Variants in WDFY4 observed in about 807,000 individuals in gnomAD.
WDFY4 encodes WDFY family member 4.
A neutral mutation model predicts 351.9 loss-of-function variants in WDFY4; 169 were observed. That is an observed-to-expected ratio of 0.48 (90% CI 0.42 to 0.55). The LOEUF is 0.55. Among genes scored for constraint, WDFY4 ranks in the 20% least tolerant of loss-of-function variants. WDFY4 has a pLI of 0.00. For missense variants in WDFY4, 3,803 were observed against 3,935.6 expected (o/e 0.97, Z 0.90); for synonymous variants, 1,622 against 1,574.6 (o/e 1.03, Z -0.71).
intron 1 of WDFY4, among the ~76,000 whole-genome samples, chr10:48,700,136 C>T (rs1175982771): frequency 1.3e-5 from 2 of 152,238 alleles, no homozygotes; most frequent in South Asian, 2.1e-4. Context: ...CCCAGCACCA[C>T]CCCAAGGCTG....
intron 43 of WDFY4, among the ~76,000 whole-genome samples, chr10:48,886,972 G>A (rs1348763802): frequency 6.6e-6 from 1 of 152,216 alleles, no homozygotes; most frequent in East Asian, 1.9e-4. Flanking sequence ...CCCTCCTAGG[G>A]CTAATTTAAA....
chr10:48,799,760 C>A (rs763188204), intron 24 of WDFY4, among the ~76,000 whole-genome samples: 1 of 152,116 alleles, frequency 6.6e-6, no homozygotes, highest in Non-Finnish European at 1.5e-5. Flanking sequence ...GCGACAAGAG[C>A]GAGACTTCGT....
intron 24 of WDFY4, among the ~76,000 whole-genome samples, chr10:48,800,190 G>A (rs746892911): frequency 2.6e-5 from 4 of 152,138 alleles, no homozygotes; most frequent in East Asian, 1.9e-4. Context: ...AGCCGGTTTC[G>A]TGTTTTAAGA....
intron 14 of WDFY4, among the ~76,000 whole-genome samples, chr10:48,774,962 G>T (rs1470409993): frequency 1.3e-5 from 2 of 151,924 alleles, no homozygotes; most frequent in Non-Finnish European, 2.9e-5. Flanking sequence ...ACAAAGAGAG[G>T]AGGGAACTGG....
chr10:48,935,357 A>T (rs1008304280), intron 47 of WDFY4: 2 of 152,262 alleles, frequency 1.3e-5, no homozygotes, highest in Non-Finnish European at 2.9e-5. Context: ...TGCCACGAGG[A>T]GGGAACCCCA....
intron 51 of WDFY4, among the ~76,000 whole-genome samples, chr10:48,955,574 T>C (rs926973823): frequency 9.2e-5 from 14 of 152,086 alleles, no homozygotes; most frequent in Admixed American, 4.6e-4. Flanking sequence ...CATCCATGGG[T>C]TTGCCCCAGT....
At chr10:48,932,661 G>GA in intron 47 of WDFY4, 1 of 151,336 alleles carries the variant, frequency 6.6e-6, no homozygotes, top group Middle Eastern at 3.2e-3. Context: ...AAAAAAAGAG[G>GA]GAGAGAGAGA....
chr10:48,869,063 A>G (rs2069659861), intron 40 of WDFY4, among the ~76,000 whole-genome samples: 1 of 152,244 alleles, frequency 6.6e-6, no homozygotes, highest in Admixed American at 6.5e-5. Context: ...CCACAAGGAT[A>G]CTTTCCAAGT....
intron 39 of WDFY4, among the ~76,000 whole-genome samples, chr10:48,857,165 G>A (rs1016198675): frequency 4.6e-5 from 7 of 152,042 alleles, no homozygotes; most frequent in African/African-American, 1.7e-4. Context: ...TAACAGTTAT[G>A]CACATGCTTT....
intron 13 of WDFY4, among the ~76,000 whole-genome samples, chr10:48,770,698 G>A (rs562188912): frequency 1.3e-5 from 2 of 152,344 alleles, no homozygotes; most frequent in East Asian, 3.9e-4. Flanking sequence ...ATTTCCATGG[G>A]GAAGAGTGAA....
chr10:48,853,737 C>T (rs907961719), intron 39 of WDFY4, among the ~76,000 whole-genome samples: 3 of 152,248 alleles, frequency 2.0e-5, no homozygotes, highest in Non-Finnish European at 2.9e-5. Context: ...ACCTTCTGAA[C>T]ACTGGGTCAT....
chr10:48,743,264 G>T lies in WDFY4; in HGVS notation c.2175G>T (p.Glu725Asp). 1 of 1,551,716 alleles carries T rather than the reference G, an allele frequency of 6.4e-7. No individual in the cohort carries two copies. The highest frequency in any genetic ancestry group is 8.7e-7 in the Non-Finnish European group (1 of 1,147,000). ...TGCTGGGCTGTTTTGGAGCCCTGGA[G>T]GAAGAGGGCAACCTGCTGCGCTCTT... is the stretch of plus-strand genomic sequence containing the variant. ...LCLLGCFGAL[E>D]EEGNLLRSWV... Residue 725 changes from glutamate to aspartate, a missense_variant, in exon 12 of 62, where the codon GAG (glutamate) becomes GAT (aspartate). Transcript: ENST00000325239.
At chr10:48,895,156 C>T (rs1837011823) in intron 44 of WDFY4, among the ~76,000 whole-genome samples, 1 of 152,212 alleles carries the variant, frequency 6.6e-6, no homozygotes, top group African/African-American at 2.4e-5. Context: ...CTCACTTGGG[C>T]AGGCTTCCCT....
At chr10:48,696,346 C>T (rs1476287347) in intron 1 of WDFY4, among the ~76,000 whole-genome samples, 3 of 152,224 alleles carry the variant, frequency 2.0e-5, no homozygotes, top group African/African-American at 4.8e-5. Flanking sequence ...ACTCCTTGCT[C>T]TCCCACCTGC....
intron 42 of WDFY4, 58 bp from the exon 43 acceptor site, chr10:48,876,975 G>C: frequency 1.4e-6 from 2 of 1,431,288 alleles, no homozygotes; most frequent in Non-Finnish European, 1.8e-6. Context: ...CTGTGCACCG[G>C]CCCTTACCAT....
chr10:48,769,135 C>T (rs552949017), intron 13 of WDFY4, among the ~76,000 whole-genome samples: 1 of 152,196 alleles, frequency 6.6e-6, no homozygotes, highest in Non-Finnish European at 1.5e-5. Context: ...ACCCACCCAT[C>T]CCCATGGTTA....
chr10:48,816,351 G>A (rs538727524), intron 31 of WDFY4, among the ~76,000 whole-genome samples: 17 of 152,204 alleles, frequency 1.1e-4, no homozygotes, highest in South Asian at 4.1e-4. Context: ...TGATTTTGGC[G>A]TCTTCATTTT....
At chr10:48,780,202 G>C in intron 19 of WDFY4, 83 bp downstream of exon 19, 1 of 1,467,076 alleles carries the variant, frequency 6.8e-7, no homozygotes, top group Non-Finnish European at 9.2e-7. Flanking sequence ...TTCATTCTAT[G>C]TTTTTGTTGT....
chr10:48,903,106 T>C (rs528761663), intron 47 of WDFY4, among the ~76,000 whole-genome samples: 28 of 151,762 alleles, frequency 1.8e-4, no homozygotes, highest in Admixed American at 9.8e-4. Flanking sequence ...CAAGACTCTG[T>C]CTAAAAAAAA....
Sources: gnomAD v4.1 joint callset for allele counts (sites outside exome capture counted in the v4.1 genomes callset) on GRCh38, gnomAD v4.1.1 for gene constraint, MANE v1.5 for transcripts, NCBI Gene and HGNC (gene_info 2026-07-23, HGNC 2026-07-21) for gene names.